The following PAK1 variants were observed in gnomAD, a reference collection of about 807,000 sequenced individuals.
The protein encoded by PAK1 is p21 (RAC1) activated kinase 1, also known as serine/threonine-protein kinase PAK 1.
A neutral mutation model predicts 67.4 loss-of-function variants in PAK1; 29 were observed. The observed-to-expected ratio is 0.43, with a 90% confidence interval of 0.32 to 0.59. The LOEUF (loss-of-function observed/expected upper bound fraction) is 0.59. Among genes scored for constraint, PAK1 ranks in the 20% least tolerant of loss-of-function variants. PAK1 has a pLI of 0.07. For synonymous variants in PAK1, 223 were observed against 237.4 expected, an observed-to-expected ratio of 0.94 and a Z score of 0.56; for missense variants, 337 against 670.7, an observed-to-expected ratio of 0.50 and a Z score of 5.50.
intron 1 of PAK1, among the ~76,000 whole-genome samples, chr11:77,432,833 TAAA>T (rs34223016): frequency 6.9e-6 from 1 of 145,148 alleles, no homozygotes; most frequent in East Asian, 2.0e-4. Flanking sequence ...AAACTGAAAT[TAAA>T]AAAAAAAACA....
intron 1 of PAK1, among the ~76,000 whole-genome samples, chr11:77,405,437 T>C (rs1428740533): frequency 6.6e-6 from 1 of 151,830 alleles, no homozygotes; most frequent in Non-Finnish European, 1.5e-5. Context: ...ATTGCAATAA[T>C]CCAGGTGAAA....
At chr11:77,353,762 C>T (rs1211783782) in intron 7 of PAK1, among the ~76,000 whole-genome samples, 163 bp from the exon 8 acceptor site, 1 of 152,140 alleles carries the variant, frequency 6.6e-6, no homozygotes, top group East Asian at 1.9e-4. Flanking sequence ...TAAGTCTCAA[C>T]CAAAAGTTTC....
intron 1 of PAK1, among the ~76,000 whole-genome samples, chr11:77,433,939 C>T (rs1341281414): frequency 6.6e-6 from 1 of 152,086 alleles, no homozygotes; most frequent in African/African-American, 2.4e-5. Flanking sequence ...CCATATGAGA[C>T]AGATACCATT....
chr11:77,332,344 G>A (rs376788662), intron 14 of PAK1, among the ~76,000 whole-genome samples: 1 of 684 alleles, frequency 1.5e-3, no homozygotes, highest in African/African-American at 0.022. Flanking sequence ...GGGAAGAGGG[G>A]GGGGAAAGGG....
At chr11:77,501,146 G>A in the PAK1 span, among the ~76,000 whole-genome samples, 1 of 110,732 alleles carries the variant, frequency 9.0e-6, no homozygotes, top group Non-Finnish European at 2.0e-5. Context: ...GCGAGACTCC[G>A]TCTCAAAAAA....
At chr11:77,493,396 A>G in the PAK1 span, among the ~76,000 whole-genome samples, 1 of 143,332 alleles carries the variant, frequency 7.0e-6, no homozygotes, top group Admixed American at 7.2e-5. Context: ...CTCGTACCTC[A>G]GCCTCCCGAG....
intron 14 of PAK1, among the ~76,000 whole-genome samples, chr11:77,328,220 G>C (rs1940530076): frequency 6.6e-6 from 1 of 152,174 alleles, no homozygotes; most frequent in Non-Finnish European, 1.5e-5. Context: ...ACATTAGACA[G>C]ATCAACGAGA....
intron 1 of PAK1, among the ~76,000 whole-genome samples, chr11:77,413,856 T>G (rs1345860719): frequency 2.0e-5 from 3 of 152,126 alleles, no homozygotes; most frequent in African/African-American, 7.2e-5. Context: ...TCATCCCAAT[T>G]TACACAGGGT....
chr11:77,325,676 C>T (rs975324528), intron 14 of PAK1, among the ~76,000 whole-genome samples: 1 of 152,150 alleles, frequency 6.6e-6, no homozygotes, highest in Non-Finnish European at 1.5e-5. Flanking sequence ...CTCTCATGAA[C>T]AGCAAAAGGG....
At chr11:77,429,895 T>C (rs1358534074) in intron 1 of PAK1, among the ~76,000 whole-genome samples, 1 of 152,192 alleles carries the variant, frequency 6.6e-6, no homozygotes, top group African/African-American at 2.4e-5. Flanking sequence ...TAGGAAATAA[T>C]GTGGGGTTGA....
the PAK1 span, among the ~76,000 whole-genome samples, chr11:77,517,533 C>T: frequency 6.6e-6 from 1 of 152,164 alleles, no homozygotes; most frequent in Admixed American, 6.5e-5. Context: ...GGTCCTAGGT[C>T]AGCAGTCCCC....
intron 1 of PAK1, among the ~76,000 whole-genome samples, chr11:77,403,446 C>T (rs1439851844): frequency 6.6e-6 from 1 of 152,204 alleles, no homozygotes; most frequent in Non-Finnish European, 1.5e-5. Flanking sequence ...AAATGTGCAA[C>T]AATTCCAATA....
chr11:77,482,999 C>T, the PAK1 span, among the ~76,000 whole-genome samples: 1 of 152,052 alleles, frequency 6.6e-6, no homozygotes, highest in Non-Finnish European at 1.5e-5. Context: ...GAGTTCAAGA[C>T]CAGACTGGCC....
chr11:77,433,988 C>G (rs1476734690), intron 1 of PAK1, among the ~76,000 whole-genome samples: 1 of 151,862 alleles, frequency 6.6e-6, no homozygotes, highest in Non-Finnish European at 1.5e-5. Flanking sequence ...AAGATAGTAA[C>G]AAGTATTTAC....
chr11:77,416,952 C>CAAA (rs145248652), intron 1 of PAK1, among the ~76,000 whole-genome samples: 1 of 132,166 alleles, frequency 7.6e-6, no homozygotes, highest in Non-Finnish European at 1.6e-5. Context: ...GACTCTGTCT[C>CAAA]AAAAAAAAAA....
chr11:77,402,989 G>C (rs1191411137), intron 1 of PAK1, among the ~76,000 whole-genome samples: 1 of 151,976 alleles, frequency 6.6e-6, no homozygotes. Flanking sequence ...GTTCCCTCTG[G>C]AACTTCTCAT....
At chr11:77,407,030 A>G (rs1386535245) in intron 1 of PAK1, among the ~76,000 whole-genome samples, 1 of 152,170 alleles carries the variant, frequency 6.6e-6, no homozygotes, top group Non-Finnish European at 1.5e-5. Flanking sequence ...CGTGCCTACT[A>G]TATAATTATT....
At chr11:77,488,771 T>A in the PAK1 span, among the ~76,000 whole-genome samples, 1 of 151,744 alleles carries the variant, frequency 6.6e-6, no homozygotes, top group Non-Finnish European at 1.5e-5. Flanking sequence ...AAGAATTTTT[T>A]AAAAAAGGAA....
chr11:77,460,321 TGC>T (rs1957283580), intron 1 of PAK1, among the ~76,000 whole-genome samples: 1 of 122,652 alleles, frequency 8.2e-6, no homozygotes, highest in African/African-American at 3.0e-5. Context: ...GTTTTTTGTT[TGC>T]TTTTTTTTTT....
Sources: gnomAD v4.1 joint callset for allele counts (sites outside exome capture counted in the v4.1 genomes callset) on GRCh38, gnomAD v4.1.1 for gene constraint, MANE v1.5 for transcripts, NCBI Gene and HGNC (gene_info 2026-07-23, HGNC 2026-07-21) for gene names.